ERBB4: variants seen among roughly 807,000 people sequenced by gnomAD.
ERBB4 encodes the protein receptor tyrosine-protein kinase erbB-4.
Under a neutral mutation model 158.0 loss-of-function variants are expected in ERBB4, and 42 were observed. The ratio of observed to expected loss-of-function variants is 0.27; its 90% CI spans 0.21 to 0.34. ERBB4 has a LOEUF of 0.34. Ranked by LOEUF, ERBB4 falls within the 10% of genes least tolerant of loss-of-function variation. The pLI is 1.00. For missense variants in ERBB4, 1,333 were observed against 1,624.1 expected, an observed-to-expected ratio of 0.82 and a Z score of 3.08; for synonymous variants, 583 against 558.7, an observed-to-expected ratio of 1.04 and a Z score of -0.61.
chr2:212,247,513 G>T (rs1277142083), intron 1 of ERBB4, among the ~76,000 whole-genome samples: 4 of 152,244 alleles, frequency 2.6e-5, no homozygotes, highest in South Asian at 2.1e-4. Flanking sequence ...ATATAAGTTT[G>T]TGTGGTAAAA....
chr2:212,279,768 C>G (rs1010484234), intron 1 of ERBB4, among the ~76,000 whole-genome samples: 1 of 151,396 alleles, frequency 6.6e-6, no homozygotes. Context: ...ACAGACATTT[C>G]TTTTTAAAAT....
At chr2:211,988,314 GT>G (rs2081988278) in intron 2 of ERBB4, among the ~76,000 whole-genome samples, 2 of 152,054 alleles carry the variant, frequency 1.3e-5, no homozygotes, top group African/African-American at 4.8e-5. Flanking sequence ...ATCTTGGGCA[GT>G]TGGATTCTCT....
intron 1 of ERBB4, among the ~76,000 whole-genome samples, chr2:212,385,931 T>C (rs1351746967): frequency 2.0e-5 from 3 of 151,902 alleles, no homozygotes; most frequent in Non-Finnish European, 4.4e-5. Context: ...ACCTCTGAGT[T>C]ACTAGTATTT....
At chr2:212,235,311 C>T (rs1212489116) in intron 1 of ERBB4, among the ~76,000 whole-genome samples, 1 of 152,100 alleles carries the variant, frequency 6.6e-6, no homozygotes, top group Non-Finnish European at 1.5e-5. Context: ...TTTCTGAGGC[C>T]TATGTTCTGT....
intron 4 of ERBB4, among the ~76,000 whole-genome samples, chr2:211,783,752 C>T (rs560926275): frequency 1.3e-5 from 2 of 152,142 alleles, no homozygotes; most frequent in Non-Finnish European, 2.9e-5. Context: ...TTTTGATGTG[C>T]TGTTAGATTC....
chr2:211,615,732 T>C (rs2069360801), intron 19 of ERBB4, among the ~76,000 whole-genome samples: 1 of 152,158 alleles, frequency 6.6e-6, no homozygotes, highest in Non-Finnish European at 1.5e-5. Flanking sequence ...AATAGAAGTT[T>C]CATTGTGGTG....
chr2:211,435,813 C>G (rs1387933168), intron 20 of ERBB4, among the ~76,000 whole-genome samples: 1 of 152,224 alleles, frequency 6.6e-6, no homozygotes, highest in Non-Finnish European at 1.5e-5. Context: ...GCTGATCTAA[C>G]TAATGCATGG....
chr2:211,626,233 T>C (rs537233182), intron 17 of ERBB4, among the ~76,000 whole-genome samples: 1 of 152,202 alleles, frequency 6.6e-6, no homozygotes, highest in Non-Finnish European at 1.5e-5. Flanking sequence ...TCATGTCTCA[T>C]TAATATATTT....
chr2:212,238,108 C>G (rs2083946488), intron 1 of ERBB4, among the ~76,000 whole-genome samples: 2 of 152,206 alleles, frequency 1.3e-5, no homozygotes, highest in Non-Finnish European at 2.9e-5. Context: ...GCTGGTGTTT[C>G]AGGCACCACT....
chr2:211,391,460 C>A (rs1395426592), intron 25 of ERBB4, among the ~76,000 whole-genome samples: 2 of 152,068 alleles, frequency 1.3e-5, no homozygotes, highest in Non-Finnish European at 2.9e-5. Context: ...GCTGGTGAGG[C>A]GATTTACTGT....
intron 1 of ERBB4, among the ~76,000 whole-genome samples, chr2:212,240,170 GTTTGCT>G (rs1336225015): frequency 6.6e-6 from 1 of 152,118 alleles, no homozygotes; most frequent in Non-Finnish European, 1.5e-5. Context: ...GACCATGAAT[GTTTGCT>G]TTTGATGGGG....
chr2:212,006,854 ATTGAT>A (rs1490927297), intron 2 of ERBB4, among the ~76,000 whole-genome samples: 1 of 152,068 alleles, frequency 6.6e-6, no homozygotes, highest in Non-Finnish European at 1.5e-5. Flanking sequence ...ACTGTATTTT[ATTGAT>A]TTAAGCTGGA....
At chr2:211,687,854 C>T (rs936481100) in intron 12 of ERBB4, among the ~76,000 whole-genome samples, 1 of 152,116 alleles carries the variant, frequency 6.6e-6, no homozygotes, top group Admixed American at 6.5e-5. Context: ...TTATAATGTC[C>T]AGGGTTTTTA....
In ERBB4 at chr2:211,473,823, C is replaced by T. The variant is rs903780299; in HGVS notation, c.2488-42723G>A. On this transcript the variant is annotated intron_variant, in intron 20 of 27. Coordinates refer to ENST00000342788, the MANE Select transcript of ERBB4 (RefSeq NM_005235.3). ...AATACCTGACAGTGGTTACCTGTTG[C>T]ATCCAAATCTGAGCGAGTAAGATGG... Among the ~76,000 whole-genome samples the T allele has an allele frequency of 3.9e-5, 6 of 152,138 alleles. No homozygotes were observed. In the South Asian group the frequency reaches 1.0e-3, roughly 26 times the overall value.
At chr2:212,532,514 A>G (rs1692810209) in intron 1 of ERBB4, among the ~76,000 whole-genome samples, 1 of 152,258 alleles carries the variant, frequency 6.6e-6, no homozygotes, top group Non-Finnish European at 1.5e-5. Flanking sequence ...TAAAAAGTCT[A>G]AACTTTCCAT....
chr2:211,986,028 G>T (rs1017521802), intron 2 of ERBB4, among the ~76,000 whole-genome samples: 2 of 152,160 alleles, frequency 1.3e-5, no homozygotes, highest in Non-Finnish European at 2.9e-5. Context: ...AGTGATTTAG[G>T]TTTTCATAAG....
At chr2:211,827,874 AG>A (rs1371313310) in intron 3 of ERBB4, among the ~76,000 whole-genome samples, 1 of 152,088 alleles carries the variant, frequency 6.6e-6, no homozygotes, top group African/African-American at 2.4e-5. Flanking sequence ...ACTTTTTAAA[AG>A]TCTCCTCTGA....
intron 1 of ERBB4, among the ~76,000 whole-genome samples, chr2:212,143,427 C>A (rs923971972): frequency 2.6e-5 from 4 of 151,770 alleles, no homozygotes; most frequent in African/African-American, 9.7e-5. Context: ...TTATAAGAGC[C>A]AAAATTATTA....
chr2:211,699,499 A>C (rs931066292), intron 12 of ERBB4, among the ~76,000 whole-genome samples: 23 of 152,198 alleles, frequency 1.5e-4, no homozygotes, highest in African/African-American at 5.3e-4. Context: ...AAATGGAGGC[A>C]TATGGAATTT....
Sources: gnomAD v4.1 joint callset for allele counts (sites outside exome capture counted in the v4.1 genomes callset) on GRCh38, gnomAD v4.1.1 for gene constraint, MANE v1.5 for transcripts, NCBI Gene and HGNC (gene_info 2026-07-23, HGNC 2026-07-21) for gene names.